ITSN1: variants seen among roughly 807,000 people sequenced by gnomAD.
ITSN1 encodes the protein intersectin 1, also known as intersectin-1.
Under a neutral mutation model 239.8 loss-of-function variants are expected in ITSN1, and 58 were observed. That is an observed-to-expected ratio of 0.24 (90% CI 0.20 to 0.30). The LOEUF (loss-of-function observed/expected upper bound fraction) is 0.30. Among genes scored for constraint, ITSN1 ranks in the 10% least tolerant of loss-of-function variants. The pLI, the probability that ITSN1 is intolerant of heterozygous loss-of-function variation, is 1.00. For synonymous variants in ITSN1, 780 were observed against 770.8 expected, an observed-to-expected ratio of 1.01 and a Z score of -0.20; for missense variants, 1,558 against 2,103.3, an observed-to-expected ratio of 0.74 and a Z score of 5.07.
At chr21:33,713,489 G>C (rs1472678811) in intron 1 of ITSN1, among the ~76,000 whole-genome samples, 2 of 150,002 alleles carry the variant, frequency 1.3e-5, no homozygotes, top group African/African-American at 4.9e-5. Context: ...TGATCTGCTT[G>C]CCTCGGCCTC....
At chr21:33,762,042 G>A in intron 9 of ITSN1, 56 bp downstream of exon 9, 5 of 1,267,220 alleles carry the variant, frequency 3.9e-6, no homozygotes, top group South Asian at 1.2e-5. Context: ...TTAGATTGGT[G>A]TGGCCTCATG....
intron 29 of ITSN1, among the ~76,000 whole-genome samples, chr21:33,851,940 T>C (rs532141630): frequency 2.0e-5 from 3 of 151,802 alleles, no homozygotes; most frequent in African/African-American, 7.2e-5. Context: ...TGTACCACCA[T>C]GCATGGATAA....
At chr21:33,746,484 C>T (rs1333250270) in intron 5 of ITSN1, among the ~76,000 whole-genome samples, 1 of 152,228 alleles carries the variant, frequency 6.6e-6, no homozygotes, top group South Asian at 2.1e-4. Flanking sequence ...CTCCAAAAAA[C>T]AATAGAAATT....
chr21:33,740,862 C>T (rs1393768408), intron 5 of ITSN1, among the ~76,000 whole-genome samples: 1 of 152,040 alleles, frequency 6.6e-6, no homozygotes, highest in African/African-American at 2.4e-5. Flanking sequence ...GCTCCTAGTT[C>T]AGGACCAGCC....
At chr21:33,662,749 C>T (rs2089654845) in intron 1 of ITSN1, among the ~76,000 whole-genome samples, 1 of 152,184 alleles carries the variant, frequency 6.6e-6, no homozygotes, top group Non-Finnish European at 1.5e-5. Flanking sequence ...CTGACCCACA[C>T]TGCCCCTCAT....
chr21:33,845,499 G>A (rs890792776), intron 29 of ITSN1, among the ~76,000 whole-genome samples: 6 of 151,988 alleles, frequency 3.9e-5, no homozygotes, highest in Non-Finnish European at 7.4e-5. Flanking sequence ...CCGGTCCTCC[G>A]AGATAAAAGA....
chr21:33,743,924 C>T lies in ITSN1; in HGVS notation c.347-6219C>T, dbSNP rs529136616. Among the ~76,000 whole-genome samples the T allele has an allele frequency of 3.9e-5, 6 of 152,298 alleles. No homozygotes were observed. The East Asian group carries it at 5.8e-4, about 15-fold the overall frequency. ...TTTCAAGTAGAAAAAACAGACAAAA[C>T]GTTACCAATTTATAAGGCTTCGGGG... On this transcript the variant is annotated intron_variant, in intron 5 of 39. Coordinates refer to ENST00000381318, the MANE Select transcript of ITSN1 (RefSeq NM_003024.3).
chr21:33,857,856 G>A (rs1037270981), intron 30 of ITSN1, among the ~76,000 whole-genome samples: 15 of 152,118 alleles, frequency 9.9e-5, no homozygotes, highest in African/African-American at 2.9e-4. Flanking sequence ...GGTACATGCC[G>A]GGTTCAACGT....
chr21:33,871,859 G>T (rs1982809716), intron 33 of ITSN1, among the ~76,000 whole-genome samples: 1 of 152,174 alleles, frequency 6.6e-6, no homozygotes, highest in African/African-American at 2.4e-5. Flanking sequence ...TTTGAATCTT[G>T]CTACTTAACC....
chr21:33,863,945 AG>A (rs549778502), intron 31 of ITSN1, among the ~76,000 whole-genome samples: 282 of 152,318 alleles, frequency 1.9e-3, no homozygotes, highest in African/African-American at 6.3e-3. Context: ...TCTCCCCATG[AG>A]GGCATCCACT....
At chr21:33,855,954 G>A (rs1979239589) in intron 29 of ITSN1, among the ~76,000 whole-genome samples, 1 of 152,178 alleles carries the variant, frequency 6.6e-6, no homozygotes, top group Non-Finnish European at 1.5e-5. Context: ...AACCAACCTC[G>A]ACATGGATAA....
intron 16 of ITSN1, among the ~76,000 whole-genome samples, chr21:33,790,638 T>C (rs563995307): frequency 6.6e-6 from 1 of 152,224 alleles, no homozygotes; most frequent in South Asian, 2.1e-4. Context: ...ATACTGACTT[T>C]TGATTCGTGG....
At chr21:33,842,529 T>A (rs965741761) in intron 29 of ITSN1, among the ~76,000 whole-genome samples, 30 of 146,512 alleles carry the variant, frequency 2.0e-4, no homozygotes, top group African/African-American at 2.8e-4. Context: ...TGTGTGTGTG[T>A]GACAGGCAGT....
Position 33,728,815 on chromosome 21 carries a change from G to C in ITSN1, c.185+6164G>C, listed in dbSNP as rs546353120. On this transcript the variant is annotated intron_variant, in intron 4 of 39. Transcript: ENST00000381318. ...CTGCTTGCACTAAAATATAAGCTCTGTGGTGCTAGGAACTGTGTCTTTTTC... is the reference window on the plus strand; with the variant it reads ...CTGCTTGCACTAAAATATAAGCTCTCTGGTGCTAGGAACTGTGTCTTTTTC... Among the ~76,000 whole-genome samples the C allele has an allele frequency of 7.2e-5, 11 of 152,268 alleles. No individual in the cohort carries two copies. In the South Asian group the frequency reaches 2.3e-3, roughly 32 times the overall value.
intron 1 of ITSN1, among the ~76,000 whole-genome samples, chr21:33,669,467 T>G (rs1465140787): frequency 1.4e-5 from 2 of 146,084 alleles, no homozygotes; most frequent in African/African-American, 5.1e-5. Flanking sequence ...TGAGACGGAG[T>G]CTCGCTCTGT....
chr21:33,707,157 G>A (rs904392263), intron 1 of ITSN1, among the ~76,000 whole-genome samples: 6 of 152,190 alleles, frequency 3.9e-5, no homozygotes, highest in Non-Finnish European at 8.8e-5. Context: ...CTAGTTTATA[G>A]TGAACTGTTA....
chr21:33,888,470 C>T lies in ITSN1; in HGVS notation c.*170C>T. 1.1e-5 allele frequency: 7 copies of T among 645,162 alleles called. No homozygotes were observed. The highest frequency in any genetic ancestry group is 1.5e-5 in the Non-Finnish European group (6 of 387,252). 40.0% of individuals were successfully genotyped at this position (645,162 alleles called of 1,614,324 possible). On this transcript the variant is annotated 3_prime_UTR_variant, in exon 40 of 40. Coordinates refer to ENST00000381318, the MANE Select transcript of ITSN1 (RefSeq NM_003024.3). ...TAGGAATCATTCTCGACAATCCTCC[C>T]TGCCCCGAAACAATTTCCTGTTTCA...
At chr21:33,853,651 G>A (rs1428373294) in intron 29 of ITSN1, among the ~76,000 whole-genome samples, 1 of 152,126 alleles carries the variant, frequency 6.6e-6, no homozygotes, top group Non-Finnish European at 1.5e-5. Context: ...AACTCTGGTC[G>A]GGTTGTCAGT....
intron 4 of ITSN1, among the ~76,000 whole-genome samples, chr21:33,731,965 A>C (rs2066214813): frequency 6.6e-6 from 1 of 152,152 alleles, no homozygotes; most frequent in Non-Finnish European, 1.5e-5. Flanking sequence ...TTTTAGGGAG[A>C]CATAAGACAT....
Sources: allele counts gnomAD v4.1 joint callset (sites outside exome capture counted in the v4.1 genomes callset), GRCh38; gene constraint gnomAD v4.1.1; transcripts MANE v1.5; gene names NCBI Gene and HGNC (gene_info 2026-07-23, HGNC 2026-07-21).